AKT2: variants seen among roughly 807,000 people sequenced by gnomAD.
AKT2 encodes AKT serine/threonine kinase 2, also known as RAC-beta serine/threonine-protein kinase.
A neutral mutation model predicts 58.6 loss-of-function variants in AKT2; 16 were observed. The ratio of observed to expected loss-of-function variants is 0.27; its 90% CI spans 0.18 to 0.41. The LOEUF (loss-of-function observed/expected upper bound fraction) is 0.41. Among genes scored for constraint, AKT2 ranks in the 10% least tolerant of loss-of-function variants. The pLI, the probability that AKT2 is intolerant of heterozygous loss-of-function variation, is 1.00. For missense variants in AKT2, 438 were observed against 661.0 expected (o/e 0.66, Z 3.70); for synonymous variants, 253 against 254.0 (o/e 1.00, Z 0.04).
In AKT2 at chr19:40,236,240, C is replaced by A. The variant is rs1247710660; in HGVS notation, c.960+17G>T. 1 of 1,613,666 alleles carries A rather than the reference C, an allele frequency of 6.2e-7. No homozygotes were observed. The highest frequency in any genetic ancestry group is 1.7e-5 in the Admixed American group (1 of 60,030). ...CCCTTGGCCTCACACGTTCCTACCCCCACCAACCCCAGACACCTCAGGCGC... is the reference window on the plus strand; with the variant it reads ...CCCTTGGCCTCACACGTTCCTACCCACACCAACCCCAGACACCTCAGGCGC... On this transcript the variant is annotated intron_variant, in intron 10 of 13. Transcript: ENST00000392038.
Position 40,233,999 on chromosome 19 carries a change from G to C in AKT2, c.1367-48C>G. 1 of 1,585,382 alleles carries C rather than the reference G, an allele frequency of 6.3e-7. No individual in the cohort carries two copies. Among genetic ancestry groups the C allele is most frequent in the Middle Eastern group, 2.0e-4 (1 of 4,912 alleles). The stretch of plus-strand genomic sequence containing the variant: ...GGGAGGACCAGTCAGGAGAGGGCCT[G>C]GGACACCTGCCCAGACTCCCTGGGG... On this transcript the variant is annotated intron_variant, in intron 13 of 13. Coordinates refer to ENST00000392038, the MANE Select transcript of AKT2 (RefSeq NM_001626.6). This position sits in a 1 kb window ranked among gnomAD's most constrained non-coding sequence, Gnocchi z 4.3.
At chr19:40,269,342 T>G (rs1412488551) in intron 1 of AKT2, 1 of 152,200 alleles carries the variant, frequency 6.6e-6, no homozygotes, top group Non-Finnish European at 1.5e-5. Flanking sequence ...CAAGAGCACC[T>G]CACAGGAGAG....
chr19:40,234,498 A>C lies in AKT2; in HGVS notation c.1366+547T>G. The C allele has an allele frequency of 8.0e-6, 2 of 250,410 alleles. No homozygotes were observed. The highest frequency in any genetic ancestry group is 1.5e-5 in the Non-Finnish European group (2 of 130,532). 15.5% of individuals were successfully genotyped at this position (250,410 alleles called of 1,614,324 possible). ...TCCTTAGCTATGCCATGCTTCTCCC[A>C]TTGCTGGCATCCCACACGTCATTCC... On this transcript the variant is annotated intron_variant, in intron 13 of 13. Transcript: ENST00000392038. This position sits in a 1 kb window ranked among gnomAD's most constrained non-coding sequence, Gnocchi z 4.7.
chr19:40,282,702 TCCTACCCTGGC>T, intron 1 of AKT2: 1 of 359,730 alleles, frequency 2.8e-6, no homozygotes, highest in South Asian at 2.1e-5. Flanking sequence ...TGGGTTCAAA[TCCTACCCTGGC>T]ACCCATAGGG....
chr19:40,255,273 C>A lies in AKT2; in HGVS notation c.176-4G>T. ...TCGGTCTTCATCAGCTGGCATTCTG[C>A]AGGCAGAGGGAACAGACAGCAGGGG... On this transcript the variant is annotated splice_region_variant and splice_polypyrimidine_tract_variant and intron_variant, in intron 3 of 13. Coordinates refer to ENST00000392038, the MANE Select transcript of AKT2 (RefSeq NM_001626.6). 3.1e-6 allele frequency: 5 copies of A among 1,612,832 alleles called. No homozygotes were observed. The highest frequency in any genetic ancestry group is 4.2e-6 in the Non-Finnish European group (5 of 1,178,946).
Position 40,234,331 on chromosome 19 carries a change from A to C in AKT2, c.1367-380T>G. 2 of 282,800 alleles carry C rather than the reference A, an allele frequency of 7.1e-6. No homozygotes were observed. Among genetic ancestry groups the C allele is most frequent in the South Asian group, 7.6e-5 (1 of 13,124 alleles). 17.5% of individuals were successfully genotyped at this position (282,800 alleles called of 1,614,324 possible). ...GGGGGCTTTCTAAAGGCCTGCTTTA[A>C]CCCTGTCCCTCTCTGTATGAAACCC... is the stretch of plus-strand genomic sequence containing the variant. On this transcript the variant is annotated intron_variant, in intron 13 of 13. Transcript: ENST00000392038. The surrounding 1 kb of genome is among the most constrained non-coding windows in gnomAD (Gnocchi z 4.7).
Position 40,265,211 on chromosome 19 carries a change from C to T in AKT2, c.46+11G>A, listed in dbSNP as rs766747947. 92 of 1,612,072 alleles carry T rather than the reference C, an allele frequency of 5.7e-5. No homozygotes were observed. Among genetic ancestry groups the T allele is most frequent in the Non-Finnish European group, 7.2e-5 (85 of 1,179,240 alleles). On this transcript the variant is annotated intron_variant, in intron 2 of 13. Coordinates refer to ENST00000392038, the MANE Select transcript of AKT2 (RefSeq NM_001626.6). ...GGAGAAAGAATCTGGCGGGCAAAAGCGGCCTCTTACCACGCTTGTGGAGCC... is the reference window on the plus strand; with the variant it reads ...GGAGAAAGAATCTGGCGGGCAAAAGTGGCCTCTTACCACGCTTGTGGAGCC...
intron 1 of AKT2, among the ~76,000 whole-genome samples, chr19:40,275,764 T>TGGGGGGGGGGGG (rs1004974778): frequency 1.3e-3 from 6 of 4,740 alleles, no homozygotes; most frequent in Non-Finnish European, 2.4e-3. Context: ...TTTGGGAGGC[T>TGGGGGGGGGGGG]GGGGGGGGGG....
At chr19:40,276,386 A>T (rs2077325720) in intron 1 of AKT2, among the ~76,000 whole-genome samples, 1 of 69,000 alleles carries the variant, frequency 1.4e-5, no homozygotes, top group African/African-American at 5.8e-5. Flanking sequence ...TTTTTTTTTG[A>T]GACAGAGTCT....
intron 1 of AKT2, among the ~76,000 whole-genome samples, chr19:40,275,912 C>T (rs923663483): frequency 1.3e-5 from 2 of 150,828 alleles, no homozygotes; most frequent in Non-Finnish European, 2.9e-5. Flanking sequence ...ACTCGGGAGG[C>T]TGAGGCAGAG....
intron 2 of AKT2, among the ~76,000 whole-genome samples, chr19:40,262,472 C>G (rs1976035043): frequency 6.6e-6 from 1 of 152,210 alleles, no homozygotes; most frequent in African/African-American, 2.4e-5. Context: ...TGGCAGAGGG[C>G]AGGTGCTCTG....
chr19:40,268,641 G>A (rs1412930801), intron 1 of AKT2: 1 of 152,612 alleles, frequency 6.6e-6, no homozygotes, highest in Non-Finnish European at 1.5e-5. Flanking sequence ...GATCAACAGA[G>A]CTGCTTTTTA....
intron 1 of AKT2, among the ~76,000 whole-genome samples, chr19:40,276,940 T>C (rs966381713): frequency 2.0e-5 from 3 of 152,226 alleles, no homozygotes; most frequent in Admixed American, 1.3e-4. Context: ...GGAGGACCAC[T>C]TGAGCCAGTG....
At chr19:40,265,726 T>G (rs1010978391) in intron 1 of AKT2, among the ~76,000 whole-genome samples, 1 of 152,152 alleles carries the variant, frequency 6.6e-6, no homozygotes, top group East Asian at 1.9e-4. Flanking sequence ...TAACCCAGTA[T>G]GAATGAGGCA....
rs2145204593 is a variant in AKT2, at chr19:40,242,091, G to A, written c.442-22C>T. ...TGGTCTGCCAGGGACAGGGAGAGTG[G>A]GGGCAGTCAGCGCCTGGCTCATGGC... On this transcript the variant is annotated intron_variant, in intron 5 of 13. Transcript: ENST00000392038. This position sits in a 1 kb window ranked among gnomAD's most constrained non-coding sequence, Gnocchi z 4.3. 7 of 1,614,054 alleles carry A rather than the reference G, an allele frequency of 4.3e-6. No homozygotes were observed. Among genetic ancestry groups the A allele is most frequent in the Non-Finnish European group, 5.9e-6 (7 of 1,180,018 alleles).
intron 4 of AKT2, among the ~76,000 whole-genome samples, chr19:40,246,687 A>G (rs551503221): frequency 2.6e-5 from 4 of 152,358 alleles, no homozygotes; most frequent in Admixed American, 2.6e-4. Context: ...GAGAACACAG[A>G]TGGTCCCTCT....
At chr19:40,254,716 C>A (rs888045192) in intron 4 of AKT2, among the ~76,000 whole-genome samples, 4 of 152,002 alleles carry the variant, frequency 2.6e-5, no homozygotes, top group African/African-American at 7.2e-5. Context: ...GTAATCCCAG[C>A]TACTTGGGAG....
chr19:40,239,879 C>A, intron 7 of AKT2, 166 bp downstream of exon 7: 1 of 829,284 alleles, frequency 1.2e-6, no homozygotes. Context: ...CTGCTCACCC[C>A]CACCACATGT....
chr19:40,247,117 A>C (rs989810166), intron 4 of AKT2, among the ~76,000 whole-genome samples: 3 of 152,174 alleles, frequency 2.0e-5, no homozygotes, highest in Non-Finnish European at 2.9e-5. Context: ...ACTGGACCAA[A>C]GTTGCAAGGT....
Sources: allele counts gnomAD v4.1 joint callset (sites outside exome capture counted in the v4.1 genomes callset), GRCh38; gene constraint gnomAD v4.1.1; non-coding constraint Gnocchi (gnomAD v3.1); transcripts MANE v1.5; gene names NCBI Gene and HGNC (gene_info 2026-07-23, HGNC 2026-07-21).